PMFBP1: variants seen among roughly 807,000 people sequenced by gnomAD.
PMFBP1 encodes polyamine-modulated factor 1-binding protein 1.
In PMFBP1, 131 loss-of-function variants were observed where a neutral mutation model predicts 137.8. The ratio of observed to expected loss-of-function variants is 0.95; its 90% confidence interval spans 0.82 to 1.10. The LOEUF is 1.10. Ranked by LOEUF, PMFBP1 falls within the 50% of genes least tolerant of loss-of-function variation. The probability of loss-of-function intolerance (pLI) is 0.00; values close to 1 mark genes in which losing one functional copy is unlikely to be tolerated. For synonymous variants in PMFBP1, 490 were observed against 450.4 expected (o/e 1.09, Z -1.11); for missense variants, 1,199 against 1,175.4 (o/e 1.02, Z -0.29).
chr16:72,246,305 G>T, the PMFBP1 span, among the ~76,000 whole-genome samples: 1 of 152,304 alleles, frequency 6.6e-6, no homozygotes, highest in East Asian at 1.9e-4. Flanking sequence ...AGTGGTAGTA[G>T]GTGGCAGAAT....
the PMFBP1 span, among the ~76,000 whole-genome samples, chr16:72,241,575 T>C: frequency 6.6e-6 from 1 of 152,180 alleles, no homozygotes; most frequent in Non-Finnish European, 1.5e-5. Flanking sequence ...GGGTTTCCAG[T>C]ATCTCCCTCT....
At chr16:72,243,845 G>A in the PMFBP1 span, among the ~76,000 whole-genome samples, 15 of 152,150 alleles carry the variant, frequency 9.9e-5, no homozygotes, top group Admixed American at 2.0e-4. Flanking sequence ...ACTGATTTCC[G>A]CACACCAGCA....
intron 12 of PMFBP1, 88 bp from the exon 13 acceptor site, chr16:72,129,321 C>G: frequency 7.0e-7 from 1 of 1,421,558 alleles, no homozygotes; most frequent in South Asian, 1.4e-5. Context: ...CAGGGCATGG[C>G]TGAGATGAAG....
At chr16:72,176,908 G>A (rs779290148), upstream of PMFBP1, 1 of 152,214 alleles carries the variant, frequency 6.6e-6, no homozygotes, top group Non-Finnish European at 1.5e-5. Context: ...CGATTCCACA[G>A]ATATGTTTCT....
chr16:72,247,418 T>A, the PMFBP1 span, among the ~76,000 whole-genome samples: 1 of 152,212 alleles, frequency 6.6e-6, no homozygotes, highest in East Asian at 1.9e-4. Context: ...CAGCTACAAT[T>A]ATCACAAAGA....
the PMFBP1 span, among the ~76,000 whole-genome samples, chr16:72,247,618 G>A: frequency 6.6e-6 from 1 of 152,188 alleles, no homozygotes. Context: ...TGAAATATTA[G>A]TTTTGGACAA....
chr16:72,207,385 G>T, the PMFBP1 span, among the ~76,000 whole-genome samples: 1 of 152,092 alleles, frequency 6.6e-6, no homozygotes, highest in African/African-American at 2.4e-5. Flanking sequence ...GAATCAAGAA[G>T]AAAAAGGGAT....
chr16:72,123,568 C>T lies in PMFBP1; in HGVS notation c.2671G>A (p.Glu891Lys). The change falls in exon 18 of 21, where the codon GAG becomes AAG. Residue 891 changes from glutamate to lysine, a missense_variant. Glu to Lys is a moderately conservative substitution (Grantham distance 56). Transcript: ENST00000237353. ...CACTTCTGCTGTTTTGCCCATTGCT[C>T]CAAGTTGGTCATAATCTGATCATTC... is the stretch of plus-strand genomic sequence containing the variant. ...RGNDQIMTNL[E>K]QWAKQQKVAN... is the part of the protein sequence containing the mutation. The T allele has an allele frequency of 6.2e-7, 1 of 1,614,094 alleles. No individual in the cohort carries two copies.
intron 12 of PMFBP1, among the ~76,000 whole-genome samples, chr16:72,129,566 A>T (rs895269900): frequency 6.6e-6 from 1 of 152,256 alleles, no homozygotes; most frequent in Non-Finnish European, 1.5e-5. Flanking sequence ...AGAAGAGAAC[A>T]AAAAGAGTAA....
intron 19 of PMFBP1, among the ~76,000 whole-genome samples, chr16:72,121,444 G>T (rs1025192434): frequency 3.3e-5 from 5 of 152,116 alleles, no homozygotes; most frequent in African/African-American, 1.2e-4. Flanking sequence ...TATTCCAAAG[G>T]TCTCATCCTT....
intron 4 of PMFBP1, among the ~76,000 whole-genome samples, chr16:72,152,018 C>G (rs1005934381): frequency 5.3e-5 from 8 of 152,270 alleles, no homozygotes; most frequent in African/African-American, 1.7e-4. Context: ...CCAGAGTTCC[C>G]CAGAGGGACC....
At chr16:72,219,079 G>A in the PMFBP1 span, among the ~76,000 whole-genome samples, 1 of 152,080 alleles carries the variant, frequency 6.6e-6, no homozygotes, top group East Asian at 1.9e-4. Flanking sequence ...TTGTGGAGTG[G>A]CTAAATCAAG....
chr16:72,143,511 G>C (rs2042755149), intron 5 of PMFBP1, among the ~76,000 whole-genome samples: 1 of 152,170 alleles, frequency 6.6e-6, no homozygotes, highest in African/African-American at 2.4e-5. Flanking sequence ...GGGAGGCTGA[G>C]GTGGGAAGAT....
intron 14 of PMFBP1, chr16:72,128,319 G>T: frequency 8.3e-7 from 1 of 1,200,856 alleles, no homozygotes; most frequent in Non-Finnish European, 1.1e-6. Flanking sequence ...TTTGTGCTTT[G>T]TGACAAGTTT....
upstream of PMFBP1, among the ~76,000 whole-genome samples, chr16:72,173,617 C>G (rs1431595729): frequency 1.3e-5 from 2 of 152,328 alleles, no homozygotes; most frequent in East Asian, 3.9e-4. Flanking sequence ...TTAACAATAG[C>G]AGCAGGCAGT....
the PMFBP1 span, among the ~76,000 whole-genome samples, chr16:72,189,006 C>T: frequency 6.6e-6 from 1 of 151,954 alleles, no homozygotes; most frequent in Admixed American, 6.6e-5. Context: ...TGGTGACAAA[C>T]AGTCGGTAGC....
intron 14 of PMFBP1, chr16:72,128,375 A>C: frequency 7.3e-7 from 1 of 1,371,734 alleles, no homozygotes; most frequent in Admixed American, 2.9e-5. Context: ...GATTCACTCA[A>C]CTCTGGTCTA....
In PMFBP1 at chr16:72,119,146, G is replaced by T; in HGVS notation, c.*192C>A. ...TCAGAGTTTGGGCCTGGAGATGGTA[G>T]TATGGTTCTAAAGCTCACTCCATGG... On this transcript the variant is annotated 3_prime_UTR_variant, in exon 21 of 21. Transcript: ENST00000237353. 1 of 590,536 alleles carries T rather than the reference G, an allele frequency of 1.7e-6. No homozygotes were observed. Among genetic ancestry groups the T allele is most frequent in the Non-Finnish European group, 3.0e-6 (1 of 335,890 alleles). The allele number at this position is 590,536 out of a possible 1,614,324, so 36.6% of individuals were successfully genotyped here.
At chr16:72,131,851 C>G (rs778915055) in intron 10 of PMFBP1, among the ~76,000 whole-genome samples, 9 of 152,118 alleles carry the variant, frequency 5.9e-5, no homozygotes, top group Non-Finnish European at 1.3e-4. Flanking sequence ...AGCCCCTCCA[C>G]CCCACTTTTT....
Sources: allele counts gnomAD v4.1 joint callset (sites outside exome capture counted in the v4.1 genomes callset), GRCh38; gene constraint gnomAD v4.1.1; transcripts MANE v1.5; gene names NCBI Gene and HGNC (gene_info 2026-07-23, HGNC 2026-07-21).